Variants in OR1L8 observed in about 807,000 individuals in gnomAD.
OR1L8 encodes olfactory receptor family 1 subfamily L member 8, also known as olfactory receptor 1L8.
For synonymous variants in OR1L8, 148 were observed against 147.0 expected (o/e 1.01, Z -0.05); for missense variants, 330 against 377.4 (o/e 0.87, Z 1.04).
At chr9:122,579,715 ACATTTT>A (rs1829715146) in intron 1 of OR1L8, among the ~76,000 whole-genome samples, 1 of 152,224 alleles carries the variant, frequency 6.6e-6, no homozygotes, top group African/African-American at 2.4e-5. Context: ...GATTAAGTCT[ACATTTT>A]ATTATCTGTT....
At chr9:122,575,662 C>G (rs552259325) in intron 3 of OR1L8, among the ~76,000 whole-genome samples, 1 of 152,126 alleles carries the variant, frequency 6.6e-6, no homozygotes, top group African/African-American at 2.4e-5. Flanking sequence ...TTGAGGTTTA[C>G]AGCATGATGC....
chr9:122,570,313 C>G (rs895170406), intron 4 of OR1L8, among the ~76,000 whole-genome samples: 18 of 152,286 alleles, frequency 1.2e-4, no homozygotes, highest in African/African-American at 3.8e-4. Flanking sequence ...AAAATTGTTC[C>G]TATTTCTCCA....
At chr9:122,569,659 CATTTTATTTTATTTTATTTTATTTT>C (rs56279203) in intron 4 of OR1L8, among the ~76,000 whole-genome samples, 1 of 150,380 alleles carries the variant, frequency 6.6e-6, no homozygotes, top group African/African-American at 2.4e-5. Context: ...GAAACAACTT[CATTTTATTTTATTTTATTTTATTTT>C]ATTTTATTTT....
At chr9:122,568,966 G>A (rs374793989) in intron 4 of OR1L8, among the ~76,000 whole-genome samples, 1 of 150,822 alleles carries the variant, frequency 6.6e-6, no homozygotes, top group South Asian at 2.1e-4. Context: ...TCAGACTGGG[G>A]GTATTTTAGA....
the OR1L8 span, among the ~76,000 whole-genome samples, chr9:122,555,133 CA>C: frequency 2.6e-5 from 4 of 151,946 alleles, no homozygotes; most frequent in South Asian, 2.1e-4. Context: ...AGGGTTGGCA[CA>C]AAAAAATGTT....
intron 4 of OR1L8, among the ~76,000 whole-genome samples, chr9:122,569,029 C>T (rs1039859416): frequency 3.9e-5 from 6 of 151,930 alleles, no homozygotes; most frequent in Non-Finnish European, 7.4e-5. Flanking sequence ...AGTTGTGTCA[C>T]GCTGAAGTTT....
the OR1L8 span, among the ~76,000 whole-genome samples, chr9:122,548,327 A>G: frequency 6.6e-6 from 1 of 152,126 alleles, no homozygotes; most frequent in African/African-American, 2.4e-5. Context: ...CTTTATATAC[A>G]TTTCCCTTAA....
intron 1 of OR1L8, among the ~76,000 whole-genome samples, chr9:122,579,665 A>T (rs1210668364): frequency 6.6e-6 from 1 of 152,226 alleles, no homozygotes. Context: ...TTCTGTCTAT[A>T]TACATAAGCA....
intron 3 of OR1L8, among the ~76,000 whole-genome samples, chr9:122,573,317 T>G (rs1007563398): frequency 2.0e-5 from 3 of 152,390 alleles, no homozygotes; most frequent in Non-Finnish European, 1.5e-5. Flanking sequence ...TCAGAGCTTC[T>G]TAACTTCACT....
the OR1L8 span, among the ~76,000 whole-genome samples, chr9:122,557,135 A>T: frequency 6.6e-6 from 1 of 152,012 alleles, no homozygotes. Flanking sequence ...AGATTTTTGG[A>T]TATTTTGGAT....
chr9:122,567,727 G>A lies in OR1L8; in HGVS notation c.751C>T (p.Leu251Phe), dbSNP rs1278863941. 6 of 1,614,060 alleles carry A rather than the reference G, an allele frequency of 3.7e-6. No individual in the cohort carries two copies. The Admixed American group carries it at 6.7e-5, about 18-fold the overall frequency. The change falls in exon 5 of 5, where the codon CTC becomes TTC. Residue 251 changes from leucine (L) to phenylalanine (F), a missense_variant. Leu to Phe is a conservative substitution (Grantham distance 22). Coordinates refer to ENST00000641027, the MANE Select transcript of OR1L8 (RefSeq NM_001004454.2). ...TCGFYLTVVT[L>F]FYGSIFCVYL... The stretch of plus-strand genomic sequence containing the variant: ...ACACAGAAGATGCTTCCATAAAAGA[G>A]CGTCACCACGGTGAGGTAAAAACCA...
chr9:122,552,601 C>T, the OR1L8 span, among the ~76,000 whole-genome samples: 3 of 151,944 alleles, frequency 2.0e-5, no homozygotes, highest in South Asian at 2.1e-4. Context: ...CACCTACTGC[C>T]CTCAGCTCAC....
intron 3 of OR1L8, among the ~76,000 whole-genome samples, chr9:122,576,378 C>T (rs10985709): frequency 0.31 from 45,980 of 150,308 alleles, 7,482 homozygotes; most frequent in African/African-American, 0.35. Context: ...TGAGCCACCA[C>T]GCCCAGCTAA....
intron 4 of OR1L8, among the ~76,000 whole-genome samples, chr9:122,571,592 T>C (rs1829552066): frequency 2.0e-5 from 3 of 150,164 alleles, no homozygotes; most frequent in Admixed American, 6.6e-5. Context: ...GGGGCGCACC[T>C]GTAGTCCCAG....
rs771453432 is a variant in OR1L8 at position 122,568,635 on chromosome 9, G to A, written c.-158C>T. 2.2e-5 allele frequency: 12 copies of A among 556,194 alleles called. No homozygotes were observed. Among genetic ancestry groups the A allele is most frequent in the Non-Finnish European group, 3.5e-5 (11 of 318,262 alleles). The allele number at this position is 556,194 out of a possible 1,614,324, so 34.5% of individuals were successfully genotyped here. A position where few individuals can be genotyped will look rare whatever the true frequency, so the allele number is the denominator to read the frequency against. ...ATGGCTTGTTCACCTCATGGTCCTT[G>A]ATGGGGTCCTCCCTTCCCAAATCTA... On this transcript the variant is annotated 5_prime_UTR_variant, in exon 5 of 5. Coordinates refer to ENST00000641027, the MANE Select transcript of OR1L8 (RefSeq NM_001004454.2).
the OR1L8 span, among the ~76,000 whole-genome samples, chr9:122,557,860 A>G: frequency 0.93 from 141,720 of 152,022 alleles, 66,141 homozygotes; most frequent in East Asian, 0.98. Flanking sequence ...TGTTTGGGAA[A>G]GTTATTAACT....
the OR1L8 span, among the ~76,000 whole-genome samples, chr9:122,558,311 C>CTTT: frequency 8.8e-3 from 304 of 34,470 alleles, 81 homozygotes; most frequent in East Asian, 0.048. Flanking sequence ...TTGGATTTTG[C>CTTT]TTTTTTTTTT....
rs112105797 is a variant in OR1L8 at position 122,567,960 on chromosome 9, T to G, written c.518A>C (p.Asn173Thr). The G allele has an allele frequency of 6.2e-7, 1 of 1,614,012 alleles. No homozygotes were observed. The highest frequency in any genetic ancestry group is 8.5e-7 in the Non-Finnish European group (1 of 1,179,996). ...GTCACAGAGAAAGTGGTGGATAACA[T>G]TGGAGTCACAGAAGGTGAGACGATT... ...LLNRLTFCDS[N>T]VIHHFLCDLS... The change falls in exon 5 of 5, where the codon AAT becomes ACT. Residue 173 changes from asparagine (N) to threonine (T), a missense_variant. Coordinates refer to ENST00000641027, the MANE Select transcript of OR1L8 (RefSeq NM_001004454.2).
chr9:122,549,920 A>T, the OR1L8 span, among the ~76,000 whole-genome samples: 1 of 152,082 alleles, frequency 6.6e-6, no homozygotes, highest in South Asian at 2.1e-4. Flanking sequence ...TTTGATAGGA[A>T]TTGCATTGAA....
Sources: gnomAD v4.1 joint callset for allele counts (sites outside exome capture counted in the v4.1 genomes callset) on GRCh38, gnomAD v4.1.1 for gene constraint, MANE v1.5 for transcripts, NCBI Gene and HGNC (gene_info 2026-07-23, HGNC 2026-07-21) for gene names.